The following EZH2 variants were observed in gnomAD, a reference collection of about 807,000 sequenced individuals.
EZH2 encodes the protein enhancer of zeste 2 polycomb repressive complex 2 subunit.
Under a neutral mutation model 98.4 loss-of-function variants are expected in EZH2, and 18 were observed. That is an observed-to-expected ratio of 0.18 (90% CI 0.13 to 0.27). The LOEUF (loss-of-function observed/expected upper bound fraction) is 0.27. Ranked by LOEUF, EZH2 falls within the 10% of genes least tolerant of loss-of-function variation. EZH2 has a pLI of 1.00. For synonymous variants in EZH2, 338 were observed against 312.3 expected, an observed-to-expected ratio of 1.08 and a Z score of -0.87; for missense variants, 470 against 935.1, an observed-to-expected ratio of 0.50 and a Z score of 6.49.
At chr7:148,810,884 G>A (rs867781877) in intron 16 of EZH2, among the ~76,000 whole-genome samples, 15 of 103,314 alleles carry the variant, frequency 1.5e-4, no homozygotes, top group Admixed American at 4.5e-4. Flanking sequence ...CAACAAGAGC[G>A]AAACTCTGTC....
rs77051363 is a variant in EZH2, at chr7:148,818,100, A to G, written c.1017T>C (p.Phe339=). ...TCCGCTCAGCGGTGAGAGCAGCAGC[A>G]AACTCCTTTGCTCCCTCCTACGAAA... ...CYQHLEGAKE[F]AAALTAERIK... The change falls in exon 10 of 20, where the codon TTT becomes TTC. Residue 339 remains phenylalanine, a synonymous_variant. Coordinates refer to ENST00000320356, the MANE Select transcript of EZH2 (RefSeq NM_004456.5). 3,571 of 1,594,402 alleles carry G rather than the reference A, an allele frequency of 2.2e-3. 82 individuals carry two copies. The African/African-American group carries it at 0.042, about 19-fold the overall frequency.
intron 1 of EZH2, chr7:148,850,496 C>T (rs1324994810): frequency 1.1e-6 from 1 of 940,294 alleles, no homozygotes; most frequent in Non-Finnish European, 1.3e-6. Context: ...CCAGGTAGTT[C>T]TTTGAAAGTG....
rs1203990086 is a variant in EZH2, at chr7:148,828,983, G to C, written c.485-103C>G. The C allele has an allele frequency of 8.1e-6, 9 of 1,111,270 alleles. No individual in the cohort carries two copies. In the South Asian group the frequency reaches 1.4e-4, roughly 17 times the overall value. 68.8% of individuals were successfully genotyped at this position (1,111,270 alleles called of 1,614,324 possible). On this transcript the variant is annotated intron_variant, in intron 5 of 19. Transcript: ENST00000320356. The stretch of plus-strand genomic sequence containing the variant: ...CAAAACAGGCATAGCCTAGTAACTG[G>C]CACTAAAACATTATTATTGAAATGA...
chr7:148,819,181 C>T (rs757399612), intron 9 of EZH2: 2 of 406,948 alleles, frequency 4.9e-6, no homozygotes, highest in South Asian at 3.7e-5. Flanking sequence ...ATCTGTGGAA[C>T]CTATCACATA....
chr7:148,846,062 A>G (rs996304077), intron 3 of EZH2, among the ~76,000 whole-genome samples: 4 of 152,248 alleles, frequency 2.6e-5, no homozygotes, highest in Non-Finnish European at 4.4e-5. Flanking sequence ...TTTGAACAAA[A>G]TATATAATAA....
At chr7:148,813,917 A>AG (rs1407574353) in intron 15 of EZH2, 42 bp downstream of exon 15, 6 of 1,581,280 alleles carry the variant, frequency 3.8e-6, no homozygotes, top group Non-Finnish European at 5.2e-6. Context: ...ATCACTAAAT[A>AG]GCTAACTACA....
intron 3 of EZH2, among the ~76,000 whole-genome samples, chr7:148,834,197 C>T (rs1313636924): frequency 6.6e-6 from 1 of 151,954 alleles, no homozygotes; most frequent in Non-Finnish European, 1.5e-5. Flanking sequence ...TCTACGAATC[C>T]GAGATTCCTT....
intron 3 of EZH2, among the ~76,000 whole-genome samples, chr7:148,838,604 A>T (rs550481762): frequency 1.3e-5 from 2 of 152,372 alleles, no homozygotes; most frequent in African/African-American, 4.8e-5. Flanking sequence ...TAGAAAAAAG[A>T]ACAATTTCTG....
At position 148,861,754 on chromosome 7, in the gene EZH2, T is replaced by G. The variant is rs185675792; in HGVS notation, c.-7-14449A>C. 1.8e-3 allele frequency among the ~76,000 whole-genome samples: 277 copies of G among 151,084 alleles called. 1 individual carries two copies. Among genetic ancestry groups the G allele is most frequent in the African/African-American group, 6.4e-3 (261 of 41,050 alleles). On this transcript the variant is annotated intron_variant, in intron 1 of 19. Coordinates refer to ENST00000320356, the MANE Select transcript of EZH2 (RefSeq NM_004456.5). ...GCGGGGCTGAGGCAGGAGGACCACTTGAGCCCAGGAGTTTCAGACCAGCCT... is the reference window on the plus strand; with the variant it reads ...GCGGGGCTGAGGCAGGAGGACCACTGGAGCCCAGGAGTTTCAGACCAGCCT...
intron 1 of EZH2, among the ~76,000 whole-genome samples, chr7:148,883,905 C>G (rs1402838865): frequency 2.0e-5 from 3 of 151,842 alleles, no homozygotes; most frequent in African/African-American, 4.8e-5. Context: ...CGCCCCCCGC[C>G]CCGCAGCTCC....
chr7:148,879,750 T>G (rs1267343246), intron 1 of EZH2, among the ~76,000 whole-genome samples: 1 of 151,950 alleles, frequency 6.6e-6, no homozygotes, highest in Non-Finnish European at 1.5e-5. Context: ...CGCACGCTTG[T>G]AGTCCCAGCT....
Position 148,816,733 on chromosome 7 carries a change from G to C in EZH2, c.1456C>G (p.Pro486Ala), listed in dbSNP as rs1168301922. 6.2e-7 allele frequency: 1 copy of C among 1,614,132 alleles called. No individual in the cohort carries two copies. The highest frequency in any genetic ancestry group is 8.5e-7 in the Non-Finnish European group (1 of 1,179,994). Residue 486 changes from proline (P) to alanine (A), a missense_variant, in exon 12 of 20, where the codon CCC becomes GCC. Physicochemically the swap from Pro to Ala is conservative, Grantham distance 27 (BLOSUM62 -1). This residue lies in a region of EZH2 where 192 missense variants were observed against 306.8 expected (regional missense o/e 0.63). Transcript: ENST00000320356. ...VKESSIIAPA[P>A]AEDVDTPPRK... Reference sequence around the variant, plus strand: ...GGAGGAGTATCCACATCCTCAGCGGGAGCTGGAGCTATGATGCTAGATTCT... The same window carrying C: ...GGAGGAGTATCCACATCCTCAGCGGCAGCTGGAGCTATGATGCTAGATTCT...
chr7:148,861,480 G>A (rs1817659215), intron 1 of EZH2, among the ~76,000 whole-genome samples: 2 of 152,052 alleles, frequency 1.3e-5, no homozygotes, highest in African/African-American at 2.4e-5. Context: ...ACCCGGATTG[G>A]CCTCCCAAAG....
Position 148,828,899 on chromosome 7 carries a change from C to G in EZH2, c.485-19G>C. ...CCACATTCTGAAACGCATCAAATGTCAGAAACACACAGGAGAAGCAATAAT... is the reference window on the plus strand; with the variant it reads ...CCACATTCTGAAACGCATCAAATGTGAGAAACACACAGGAGAAGCAATAAT... On this transcript the variant is annotated intron_variant, in intron 5 of 19. Transcript: ENST00000320356. 1 of 1,586,352 alleles carries G rather than the reference C, an allele frequency of 6.3e-7. No individual in the cohort carries two copies. The highest frequency in any genetic ancestry group is 1.8e-5 in the Admixed American group (1 of 54,880).
intron 12 of EZH2, among the ~76,000 whole-genome samples, chr7:148,816,473 A>C (rs1804586465): frequency 6.6e-6 from 1 of 152,244 alleles, no homozygotes. Context: ...TATGACTCTT[A>C]ACATACCAAA....
intron 3 of EZH2, among the ~76,000 whole-genome samples, chr7:148,838,859 C>A (rs902866417): frequency 2.6e-5 from 4 of 152,086 alleles, no homozygotes; most frequent in African/African-American, 7.3e-5. Flanking sequence ...TCAAGACCAG[C>A]CTAGCCAACA....
chr7:148,824,668 T>C (rs1207143907), intron 8 of EZH2, among the ~76,000 whole-genome samples: 1 of 152,240 alleles, frequency 6.6e-6, no homozygotes, highest in African/African-American at 2.4e-5. Context: ...TGATTATATA[T>C]ATTTAATGAT....
intron 1 of EZH2, among the ~76,000 whole-genome samples, chr7:148,870,294 A>T (rs962321246): frequency 6.6e-6 from 1 of 152,188 alleles, no homozygotes; most frequent in African/African-American, 2.4e-5. Flanking sequence ...TTTACAAATA[A>T]ATTTGCCAAT....
chr7:148,880,251 C>G (rs1245229702), intron 1 of EZH2, among the ~76,000 whole-genome samples: 1 of 152,184 alleles, frequency 6.6e-6, no homozygotes, highest in African/African-American at 2.4e-5. Context: ...ATTTGCTAAT[C>G]TGTATTTAAA....
Sources: gnomAD v4.1 joint callset for allele counts (sites outside exome capture counted in the v4.1 genomes callset) on GRCh38, gnomAD v4.1.1 for gene constraint, gnomAD v4.1.1 regional missense constraint, MANE v1.5 for transcripts, NCBI Gene and HGNC (gene_info 2026-07-23, HGNC 2026-07-21) for gene names.